IHO1: variants seen among roughly 807,000 people sequenced by gnomAD.
IHO1 encodes interactor of HORMAD1 protein 1.
In IHO1, 13 loss-of-function variants were observed where a neutral mutation model predicts 31.0. The ratio of observed to expected loss-of-function variants is 0.42; its 90% CI spans 0.27 to 0.67. The LOEUF is 0.67. Among genes scored for constraint, IHO1 ranks in the 30% least tolerant of loss-of-function variants. The pLI, the probability that IHO1 is intolerant of heterozygous loss-of-function variation, is 0.24. For missense variants in IHO1, 599 were observed against 687.5 expected (o/e 0.87, Z 1.44); for synonymous variants, 221 against 248.4 (o/e 0.89, Z 1.04).
chr3:49,196,722 G>A (rs1196982136), upstream of IHO1, among the ~76,000 whole-genome samples: 1 of 150,936 alleles, frequency 6.6e-6, no homozygotes, highest in East Asian at 2.0e-4. Context: ...CCAGGCTGGA[G>A]TGCAGTGGTG....
At chr3:49,227,567 G>A (rs781026098) in intron 2 of IHO1, among the ~76,000 whole-genome samples, 4 of 152,050 alleles carry the variant, frequency 2.6e-5, no homozygotes, top group South Asian at 2.1e-4. Context: ...ACACATTCTC[G>A]AAAACCTGCA....
intron 1 of IHO1, among the ~76,000 whole-genome samples, chr3:49,200,079 G>C (rs933581779): frequency 3.3e-5 from 5 of 152,148 alleles, no homozygotes; most frequent in Non-Finnish European, 7.4e-5. Flanking sequence ...GTGGCCACAG[G>C]GGGCCTGAAG....
At chr3:49,225,741 T>A (rs929145158) in intron 2 of IHO1, among the ~76,000 whole-genome samples, 13 of 152,186 alleles carry the variant, frequency 8.5e-5, no homozygotes, top group Admixed American at 4.6e-4. Flanking sequence ...AATACCTGGT[T>A]ACAGGCTGTC....
chr3:49,255,848 G>A (rs752737721), intron 7 of IHO1, among the ~76,000 whole-genome samples: 7 of 151,970 alleles, frequency 4.6e-5, no homozygotes, highest in East Asian at 1.9e-4. Context: ...CACTGCGCCC[G>A]GCCGAGAAAC....
Position 49,256,865 on chromosome 3 carries a change from C to A in IHO1, c.1368C>A (p.Leu456=). The A allele has an allele frequency of 1.2e-6, 2 of 1,614,218 alleles. No homozygotes were observed. Among genetic ancestry groups the A allele is most frequent in the Non-Finnish European group, 1.7e-6 (2 of 1,180,036 alleles). ...CCCACAGGGCCCACAGAGGCAGGCT[C>A]ATAGCCAGCAAGCAAAAACAAATCC... ...RKAHRAHRGR[L]IASKQKQIPI... Residue 456 remains leucine (L), a synonymous_variant, in exon 8 of 8, where the codon CTC becomes CTA. Transcript: ENST00000452691. This position sits in a 1 kb window ranked among gnomAD's most constrained non-coding sequence, Gnocchi z 4.6.
intron 2 of IHO1, among the ~76,000 whole-genome samples, chr3:49,222,007 A>C: frequency 6.6e-6 from 1 of 152,218 alleles, no homozygotes; most frequent in East Asian, 1.9e-4. Context: ...CTCCTTTCTC[A>C]GCAGTGAGGA....
Position 49,218,376 on chromosome 3 carries a change from CTTTT to C in IHO1, c.56+6561_56+6564del, listed in dbSNP as rs34312848. Among the ~76,000 whole-genome samples the C allele has an allele frequency of 2.4e-3, 257 of 105,804 alleles. 2 individuals are homozygous for C. Among genetic ancestry groups the C allele is most frequent in the African/African-American group, 8.8e-3 (245 of 27,810 alleles). The allele number at this position is 105,804 out of a possible 152,430, so 69.4% of individuals were successfully genotyped here. The stretch of plus-strand genomic sequence containing the variant: ...ACAGTGTCAGCAGGACAGTTAATAC[CTTTT>C]TTTTTTTTTTTTTTTTTTTTGAGAT... On this transcript the variant is annotated intron_variant, in intron 2 of 7. Coordinates refer to ENST00000452691, the MANE Select transcript of IHO1 (RefSeq NM_001135197.2).
chr3:49,205,986 C>T (rs1473280386), intron 1 of IHO1, among the ~76,000 whole-genome samples: 6 of 142,542 alleles, frequency 4.2e-5, no homozygotes, highest in East Asian at 2.1e-4. Context: ...CTTTTTGAGA[C>T]GGAGTCTCGC....
chr3:49,217,134 C>T (rs1358497041), intron 2 of IHO1, among the ~76,000 whole-genome samples: 1 of 152,146 alleles, frequency 6.6e-6, no homozygotes, highest in East Asian at 1.9e-4. Flanking sequence ...AATCCCATTA[C>T]TGGGCATATA....
At chr3:49,217,552 T>C (rs1318904915) in intron 2 of IHO1, among the ~76,000 whole-genome samples, 1 of 149,738 alleles carries the variant, frequency 6.7e-6, no homozygotes, top group Admixed American at 6.7e-5. Flanking sequence ...AAATGAGGAG[T>C]TGATGGGTGC....
intron 2 of IHO1, among the ~76,000 whole-genome samples, chr3:49,213,126 G>A (rs534557778): frequency 3.7e-4 from 49 of 131,014 alleles, no homozygotes; most frequent in Admixed American, 2.0e-3. Context: ...GCTGATTGGC[G>A]TGTTTGCAAA....
chr3:49,201,589 C>T (rs2107677116), intron 1 of IHO1, among the ~76,000 whole-genome samples: 1 of 152,186 alleles, frequency 6.6e-6, no homozygotes, highest in East Asian at 1.9e-4. Flanking sequence ...CGCCACTCCA[C>T]TCCAGGCTGG....
intron 2 of IHO1, among the ~76,000 whole-genome samples, chr3:49,221,013 A>G (rs974201769): frequency 3.3e-5 from 5 of 152,362 alleles, no homozygotes; most frequent in Middle Eastern, 3.4e-3. Context: ...CCCTGCCCAC[A>G]TTCTGCTGAT....
At chr3:49,205,143 C>T (rs2046118729) in intron 1 of IHO1, among the ~76,000 whole-genome samples, 1 of 152,006 alleles carries the variant, frequency 6.6e-6, no homozygotes, top group African/African-American at 2.4e-5. Flanking sequence ...GTGGATTATT[C>T]ATCAATTTTC....
the IHO1 span, among the ~76,000 whole-genome samples, chr3:49,192,202 G>C: frequency 6.6e-6 from 1 of 152,202 alleles, no homozygotes; most frequent in Non-Finnish European, 1.5e-5. Context: ...TGGCTTTTAG[G>C]ATAAAATTAC....
At chr3:49,230,257 T>G (rs1190917564) in intron 2 of IHO1, among the ~76,000 whole-genome samples, 1 of 152,158 alleles carries the variant, frequency 6.6e-6, no homozygotes, top group Non-Finnish European at 1.5e-5. Context: ...AAAAATCAGG[T>G]AAATGGAGAA....
At chr3:49,226,409 C>T (rs950140523) in intron 2 of IHO1, among the ~76,000 whole-genome samples, 1 of 152,148 alleles carries the variant, frequency 6.6e-6, no homozygotes, top group Non-Finnish European at 1.5e-5. Flanking sequence ...TTAAGGCTTC[C>T]CGTAACCGCG....
chr3:49,195,920 G>GA (rs1453452455), upstream of IHO1, among the ~76,000 whole-genome samples: 1 of 150,114 alleles, frequency 6.7e-6, no homozygotes, highest in Non-Finnish European at 1.5e-5. Context: ...CTAACACAGT[G>GA]AAACCCCATC....
In IHO1 at chr3:49,241,391, T is replaced by C; in HGVS notation, c.395+2T>C. 1 of 1,592,784 alleles carries C rather than the reference T, an allele frequency of 6.3e-7. No homozygotes were observed. Among genetic ancestry groups the C allele is most frequent in the East Asian group, 2.2e-5 (1 of 44,608 alleles). The stretch of plus-strand genomic sequence containing the variant: ...AAGGGCAAAAGACAAATGTGACAGG[T>C]ATGTAAACCTTTCAAATGGATGAAA... On this transcript the variant is annotated splice_donor_variant, in intron 4 of 7. Coordinates refer to ENST00000452691, the MANE Select transcript of IHO1 (RefSeq NM_001135197.2). LOFTEE classifies it high-confidence loss of function.
Sources: gnomAD v4.1 joint callset for allele counts (sites outside exome capture counted in the v4.1 genomes callset) on GRCh38, gnomAD v4.1.1 for gene constraint, Gnocchi (gnomAD v3.1) non-coding constraint, MANE v1.5 for transcripts, NCBI Gene and HGNC (gene_info 2026-07-23, HGNC 2026-07-21) for gene names.